Variants in ASCC3 observed in about 807,000 individuals in gnomAD.
ASCC3 encodes the protein activating signal cointegrator 1 complex subunit 3.
Under a neutral mutation model 256.3 loss-of-function variants are expected in ASCC3, and 158 were observed. That is an observed-to-expected ratio of 0.62 (90% CI 0.54 to 0.70). ASCC3 has a LOEUF of 0.70. Ranked by LOEUF, ASCC3 falls within the 30% of genes least tolerant of loss-of-function variation. The pLI is 0.00. For missense variants in ASCC3, 2,259 were observed against 2,626.0 expected (o/e 0.86, Z 3.05); for synonymous variants, 948 against 883.4 (o/e 1.07, Z -1.30).
intron 13 of ASCC3, among the ~76,000 whole-genome samples, chr6:100,681,927 T>C (rs936105573): frequency 6.6e-6 from 1 of 152,018 alleles, no homozygotes; most frequent in African/African-American, 2.4e-5. Flanking sequence ...AACTGCCACA[T>C]AGGTTCAAAT....
At chr6:100,820,277 AC>A (rs995328347) in intron 4 of ASCC3, among the ~76,000 whole-genome samples, 1 of 132,374 alleles carries the variant, frequency 7.6e-6, no homozygotes, top group African/African-American at 2.5e-5. Flanking sequence ...AGAGTGTAGT[AC>A]CAGCATGAGG....
At position 100,767,129 on chromosome 6, in the gene ASCC3, T is replaced by C; in HGVS notation, c.1596+16A>G. On this transcript the variant is annotated intron_variant, in intron 9 of 41. Transcript: ENST00000369162. ...CCTTACAATTTAAAAAGCTGTTGTC[T>C]GATTTATTTACTTACCTTAAATTCA... is the stretch of plus-strand genomic sequence containing the variant. 1 of 1,609,276 alleles carries C rather than the reference T, an allele frequency of 6.2e-7. No individual in the cohort carries two copies. Among genetic ancestry groups the C allele is most frequent in the Non-Finnish European group, 8.5e-7 (1 of 1,175,656 alleles).
chr6:100,719,093 C>T (rs932090335), intron 11 of ASCC3, among the ~76,000 whole-genome samples: 1 of 152,088 alleles, frequency 6.6e-6, no homozygotes, highest in Non-Finnish European at 1.5e-5. Flanking sequence ...AATCTGTAGG[C>T]ACTAGGGATG....
intron 10 of ASCC3, among the ~76,000 whole-genome samples, chr6:100,751,448 C>G (rs556559869): frequency 6.6e-6 from 1 of 151,912 alleles, no homozygotes; most frequent in Non-Finnish European, 1.5e-5. Flanking sequence ...ACCCCTACCA[C>G]AGCTTACAAA....
chr6:100,741,969 T>C (rs925250546), intron 10 of ASCC3, among the ~76,000 whole-genome samples: 1 of 152,208 alleles, frequency 6.6e-6, no homozygotes, highest in Non-Finnish European at 1.5e-5. Flanking sequence ...TTCGGCATTT[T>C]TGTGTTGGTT....
At chr6:100,768,178 C>G (rs1781753001) in intron 8 of ASCC3, among the ~76,000 whole-genome samples, 2 of 151,046 alleles carry the variant, frequency 1.3e-5, no homozygotes, top group Admixed American at 6.6e-5. Flanking sequence ...ATAGACTACA[C>G]TTTGTGACAC....
intron 30 of ASCC3, among the ~76,000 whole-genome samples, chr6:100,616,499 T>G (rs976882889): frequency 3.9e-5 from 6 of 152,216 alleles, no homozygotes; most frequent in African/African-American, 1.4e-4. Context: ...GCCAATTAAT[T>G]TGAATTAACA....
In ASCC3 at chr6:100,859,351, T is replaced by C. The variant is rs1773113524; in HGVS notation, c.241+4713A>G. On this transcript the variant is annotated intron_variant, in intron 3 of 41. Coordinates refer to ENST00000369162, the MANE Select transcript of ASCC3 (RefSeq NM_006828.4). ...TTTTGCAGTTTTTCTAGGTATTCTC[T>C]GTAGAGGGTTGTTCCACATTACCCT... The C allele has an allele frequency of 1.5e-5, 10 of 688,632 alleles. No individual in the cohort carries two copies. The East Asian group carries it at 2.7e-4, about 18-fold the overall frequency. The allele number at this position is 688,632 out of a possible 1,614,324, so 42.7% of individuals were successfully genotyped here.
intron 10 of ASCC3, among the ~76,000 whole-genome samples, chr6:100,735,571 T>C (rs1370529032): frequency 1.3e-5 from 2 of 152,248 alleles, no homozygotes; most frequent in Non-Finnish European, 1.5e-5. Context: ...AGCATCAAAA[T>C]AGAGCCATTT....
At chr6:100,810,395 C>T (rs1770403889) in intron 4 of ASCC3, among the ~76,000 whole-genome samples, 1 of 152,110 alleles carries the variant, frequency 6.6e-6, no homozygotes, top group South Asian at 2.1e-4. Flanking sequence ...TACTCTATGT[C>T]CTCCTTCAAG....
chr6:100,628,410 G>C (rs1460654025), intron 27 of ASCC3, among the ~76,000 whole-genome samples: 1 of 152,112 alleles, frequency 6.6e-6, no homozygotes, highest in Non-Finnish European at 1.5e-5. Context: ...ATTGCTAATT[G>C]CATGTTTAAC....
intron 20 of ASCC3, among the ~76,000 whole-genome samples, chr6:100,648,537 T>C (rs1040971206): frequency 1.3e-5 from 2 of 152,042 alleles, no homozygotes; most frequent in Non-Finnish European, 2.9e-5. Flanking sequence ...TGTCTTTTGA[T>C]AAATTTGACT....
At position 100,512,713 on chromosome 6, in the gene ASCC3, T is replaced by C; in HGVS notation, c.6281A>G (p.His2094Arg). 3 of 1,614,088 alleles carry C rather than the reference T, an allele frequency of 1.9e-6. No homozygotes were observed. The highest frequency in any genetic ancestry group is 1.1e-5 in the South Asian group (1 of 91,084). Residue 2094 changes from histidine (H) to arginine (R), a missense_variant, in exon 40 of 42, where the codon CAC (histidine) becomes CGC (arginine). His to Arg is a conservative substitution (Grantham distance 29). Around this residue, in one of 2 missense-constraint regions of ASCC3, gnomAD observed 1,839 missense variants for 2,206.7 expected, o/e 0.83. Transcript: ENST00000369162. ...VSLQRVHFGFHKGKPESCAVT... is the reference protein window; with the variant it reads ...VSLQRVHFGFRKGKPESCAVT... ...AATGGAAACCAAACACTATACCTTG[T>C]GGAACCCAAAGTGGACTCTCTGCAA... is the stretch of plus-strand genomic sequence containing the variant.
intron 34 of ASCC3, 109 bp downstream of exon 34, chr6:100,601,701 C>T: frequency 7.7e-7 from 1 of 1,298,036 alleles, no homozygotes; most frequent in Non-Finnish European, 1.1e-6. Context: ...TACCTAGAAT[C>T]TCCAAAGTTC....
intron 33 of ASCC3, 98 bp from the exon 34 acceptor site, chr6:100,602,033 G>C (rs1772646453): frequency 7.5e-7 from 1 of 1,340,244 alleles, no homozygotes; most frequent in Non-Finnish European, 1.0e-6. Flanking sequence ...TATGTTCTAA[G>C]ATAAAAACAA....
chr6:100,509,491 G>A lies in ASCC3; in HGVS notation c.6504C>T (p.Gly2168=). 1 of 1,613,936 alleles carries A rather than the reference G, an allele frequency of 6.2e-7. No individual in the cohort carries two copies. The highest frequency in any genetic ancestry group is 8.5e-7 in the Non-Finnish European group (1 of 1,179,814). The change falls in exon 42 of 42, where the codon GGC becomes GGT. Residue 2168 remains glycine, a synonymous_variant. Transcript: ENST00000369162. ...GATAGATGTCATACTGCTGGTCCAG[G>A]CCAAGGTAGCAGTCACTCATGAAAT... ...TLYFMSDCYL[G]LDQQYDIYLN... is the part of the protein sequence containing the mutation.
chr6:100,662,685 T>TA, intron 14 of ASCC3, 149 bp from the exon 15 acceptor site: 1 of 669,686 alleles, frequency 1.5e-6, no homozygotes, highest in Admixed American at 2.9e-5. Context: ...ATGCTTTATA[T>TA]AAAATCATAA....
chr6:100,681,725 CAA>C (rs10696130), intron 13 of ASCC3, among the ~76,000 whole-genome samples: 2 of 58,682 alleles, frequency 3.4e-5, no homozygotes, highest in South Asian at 8.5e-4. Context: ...GACTCCGTCT[CAA>C]AAAAAAAAAA....
chr6:100,609,127 G>T (rs1177298820), intron 30 of ASCC3, among the ~76,000 whole-genome samples: 1 of 151,592 alleles, frequency 6.6e-6, no homozygotes, highest in African/African-American at 2.4e-5. Context: ...TTAACTTTAT[G>T]GACCTAAAAT....
Sources: allele counts gnomAD v4.1 joint callset (sites outside exome capture counted in the v4.1 genomes callset), GRCh38; gene constraint gnomAD v4.1.1; regional missense constraint gnomAD v4.1.1; transcripts MANE v1.5; gene names NCBI Gene and HGNC (gene_info 2026-07-23, HGNC 2026-07-21).